The following TLN2 variants were observed in gnomAD, a reference collection of about 807,000 sequenced individuals.
TLN2 encodes the protein talin-2.
A neutral mutation model predicts 294.7 loss-of-function variants in TLN2; 118 were observed. That is an observed-to-expected ratio of 0.40 (90% CI 0.34 to 0.47). The LOEUF (loss-of-function observed/expected upper bound fraction) is 0.47, where lower values mean the gene tolerates loss of function less well. Ranked by LOEUF, TLN2 falls within the 20% of genes least tolerant of loss-of-function variation. The pLI is 0.84. For missense variants in TLN2, 3,083 were observed against 3,282.2 expected (o/e 0.94, Z 1.48); for synonymous variants, 1,431 against 1,304.5 (o/e 1.10, Z -2.09).
chr15:62,518,401 G>A (rs759105701), intron 1 of TLN2, among the ~76,000 whole-genome samples: 6 of 152,132 alleles, frequency 3.9e-5, no homozygotes, highest in Admixed American at 6.5e-5. Flanking sequence ...TAGGAGGAGC[G>A]TAGGTTTTGA....
At chr15:62,667,901 T>C (rs965781755) in intron 9 of TLN2, among the ~76,000 whole-genome samples, 2 of 152,224 alleles carry the variant, frequency 1.3e-5, no homozygotes, top group African/African-American at 4.8e-5. Context: ...TGTGACAACA[T>C]GGATGGACCT....
intron 16 of TLN2, among the ~76,000 whole-genome samples, chr15:62,700,649 C>G (rs1375633892): frequency 6.6e-6 from 1 of 152,172 alleles, no homozygotes; most frequent in African/African-American, 2.4e-5. Flanking sequence ...ACGTTGTAAG[C>G]AAGAGGCATT....
chr15:62,469,959 A>C (rs1474640795), intron 1 of TLN2, among the ~76,000 whole-genome samples: 1 of 150,478 alleles, frequency 6.6e-6, no homozygotes, highest in Non-Finnish European at 1.5e-5. Flanking sequence ...TGTGTGTGAG[A>C]GAGAGAGCGA....
intron 54 of TLN2, among the ~76,000 whole-genome samples, chr15:62,821,752 G>A (rs76546184): frequency 0.016 from 2,469 of 152,272 alleles, 31 homozygotes; most frequent in South Asian, 0.036. Context: ...GACTCTACCT[G>A]GGAGTCTTGG....
chr15:62,802,568 A>G (rs1425356382), intron 50 of TLN2, among the ~76,000 whole-genome samples: 2 of 152,184 alleles, frequency 1.3e-5, no homozygotes, highest in Non-Finnish European at 2.9e-5. Context: ...ATAAACTGAT[A>G]TCCTTTCTTT....
intron 13 of TLN2, among the ~76,000 whole-genome samples, 172 bp from the exon 14 acceptor site, chr15:62,694,144 A>G (rs942002601): frequency 1.3e-5 from 2 of 151,348 alleles, no homozygotes; most frequent in African/African-American, 2.4e-5. Context: ...ATTTATGTAT[A>G]TATATATTTT....
intron 1 of TLN2, among the ~76,000 whole-genome samples, chr15:62,411,367 G>A (rs982886547): frequency 6.6e-6 from 1 of 151,570 alleles, no homozygotes; most frequent in African/African-American, 2.4e-5. Context: ...AAAACAGATA[G>A]TTCATGCTCC....
At chr15:62,773,990 C>T (rs1037930958) in intron 42 of TLN2, among the ~76,000 whole-genome samples, 12 of 152,276 alleles carry the variant, frequency 7.9e-5, no homozygotes, top group African/African-American at 2.6e-4. Context: ...TTCTCTACCC[C>T]GCAGAGCTCC....
chr15:62,837,796 G>A (rs765002896), intron 57 of TLN2, among the ~76,000 whole-genome samples: 6 of 152,112 alleles, frequency 3.9e-5, no homozygotes, highest in Non-Finnish European at 5.9e-5. Context: ...TAATTGGTTC[G>A]CGTCCCACCC....
At chr15:62,832,355 C>T (rs2068955766) in intron 54 of TLN2, 1 of 152,140 alleles carries the variant, frequency 6.6e-6, no homozygotes, top group Non-Finnish European at 1.5e-5. Context: ...TGAAAGGTAC[C>T]ACCCACATCT....
intron 1 of TLN2, among the ~76,000 whole-genome samples, chr15:62,443,767 A>G (rs1332713361): frequency 6.6e-6 from 1 of 152,144 alleles, no homozygotes; most frequent in Non-Finnish European, 1.5e-5. Context: ...TTTGGGAGGC[A>G]GAGGACAGAG....
chr15:62,643,097 T>C (rs1166642799), intron 3 of TLN2, among the ~76,000 whole-genome samples: 1 of 152,224 alleles, frequency 6.6e-6, no homozygotes, highest in East Asian at 1.9e-4. Flanking sequence ...TGAGTGGTGC[T>C]AGAAGCAGCT....
chr15:62,655,970 T>C lies in TLN2; in HGVS notation c.544T>C (p.Phe182Leu). 1 of 1,614,196 alleles carries C rather than the reference T, an allele frequency of 6.2e-7. No individual in the cohort carries two copies. Residue 182 changes from phenylalanine (F) to leucine (L), a missense_variant, in exon 8 of 59, where the codon TTC (phenylalanine) becomes CTC (leucine). By Grantham distance (22) the Phe-to-Leu change is conservative. Transcript: ENST00000636159. ...AAATTGGCTGGATCACAGCCGAACA[T>C]TCAGAGAACAAGGAGTAGATGAAAA... ...DLNWLDHSRT[F>L]REQGVDENET... is the part of the protein sequence containing the mutation.
intron 1 of TLN2, chr15:62,453,486 AT>A (rs1167900006): frequency 6.6e-6 from 1 of 152,142 alleles, no homozygotes; most frequent in Non-Finnish European, 1.5e-5. Flanking sequence ...GAGGGAGGGC[AT>A]TTCTTGAAGA....
chr15:62,814,818 T>G (rs2066968155), intron 52 of TLN2, among the ~76,000 whole-genome samples: 1 of 152,230 alleles, frequency 6.6e-6, no homozygotes, highest in African/African-American at 2.4e-5. Flanking sequence ...AAATTCACGT[T>G]CACACAGTTA....
At chr15:62,512,458 C>T (rs2039981315) in intron 1 of TLN2, among the ~76,000 whole-genome samples, 1 of 152,072 alleles carries the variant, frequency 6.6e-6, no homozygotes, top group Non-Finnish European at 1.5e-5. Context: ...ACCCAAAGTC[C>T]CACAGAAACT....
At position 62,460,481 on chromosome 15, in the gene TLN2, T is replaced by C. The variant is rs138078183; in HGVS notation, c.-238+69796T>C. Among the ~76,000 whole-genome samples the C allele has an allele frequency of 5.8e-3, 885 of 152,194 alleles. 10 individuals carry two copies. Among genetic ancestry groups the C allele is most frequent in the African/African-American group, 0.02 (848 of 41,534 alleles). On this transcript the variant is annotated intron_variant, in intron 1 of 58. Coordinates refer to ENST00000636159, the MANE Select transcript of TLN2 (RefSeq NM_015059.3). ...TTTCTCCATGTTGGTCAGGCTGGTC[T>C]CAAACTCCCAACCTCAGGTGATCCA...
At chr15:62,785,161 G>C (rs554208366) in intron 45 of TLN2, among the ~76,000 whole-genome samples, 3 of 152,294 alleles carry the variant, frequency 2.0e-5, no homozygotes, top group Middle Eastern at 3.4e-3. Flanking sequence ...TGCAATGAGT[G>C]TGAAGTCACT....
At chr15:62,691,433 C>T (rs1179550613) in intron 12 of TLN2, among the ~76,000 whole-genome samples, 1 of 151,896 alleles carries the variant, frequency 6.6e-6, no homozygotes, top group Non-Finnish European at 1.5e-5. Flanking sequence ...CTGTAATTTC[C>T]ATTTGGTTCT....
Sources: gnomAD v4.1 joint callset for allele counts (sites outside exome capture counted in the v4.1 genomes callset) on GRCh38, gnomAD v4.1.1 for gene constraint, MANE v1.5 for transcripts, NCBI Gene and HGNC (gene_info 2026-07-23, HGNC 2026-07-21) for gene names.